FBXO40: variants seen among roughly 807,000 people sequenced by gnomAD.
FBXO40 encodes F-box protein 40, also known as F-box only protein 40.
In FBXO40, 50 loss-of-function variants were observed where a neutral mutation model predicts 49.9. That is an observed-to-expected ratio of 1.00 (90% CI 0.80 to 1.27). The LOEUF is 1.27. Ranked by LOEUF, FBXO40 falls within the 50% of genes most tolerant of loss-of-function variation. FBXO40 has a pLI of 0.00. For synonymous variants in FBXO40, 340 were observed against 320.2 expected (o/e 1.06, Z -0.66); for missense variants, 895 against 870.1 (o/e 1.03, Z -0.36).
At chr3:121,617,989 G>A (rs2049007450) in intron 1 of FBXO40, among the ~76,000 whole-genome samples, 1 of 151,982 alleles carries the variant, frequency 6.6e-6, no homozygotes, top group South Asian at 2.1e-4. Flanking sequence ...ACAGAGCAAG[G>A]CTCTGTCAAA....
intron 1 of FBXO40, among the ~76,000 whole-genome samples, chr3:121,605,087 C>T (rs2048925018): frequency 6.6e-6 from 1 of 152,060 alleles, no homozygotes; most frequent in Non-Finnish European, 1.5e-5. Flanking sequence ...ATTTTCCTGC[C>T]TCAGCCTGCC....
At chr3:121,620,716 C>A in intron 2 of FBXO40, 138 bp downstream of exon 2, 1 of 1,001,006 alleles carries the variant, frequency 1.0e-6, no homozygotes, top group Non-Finnish European at 1.5e-6. Context: ...ACTAGAGATG[C>A]TGAACAGAAC....
chr3:121,602,839 G>A (rs2048908043), intron 1 of FBXO40, among the ~76,000 whole-genome samples: 2 of 151,618 alleles, frequency 1.3e-5, no homozygotes, highest in Non-Finnish European at 2.9e-5. Flanking sequence ...ACATTACACT[G>A]CATGTTAAGA....
At chr3:121,609,371 A>T (rs1331477001) in intron 1 of FBXO40, among the ~76,000 whole-genome samples, 2 of 151,026 alleles carry the variant, frequency 1.3e-5, no homozygotes, top group Non-Finnish European at 2.9e-5. Flanking sequence ...AGTTCTCTTT[A>T]GTTGGGCTAG....
chr3:121,596,912 T>C (rs1232154809), intron 1 of FBXO40, among the ~76,000 whole-genome samples: 1 of 152,248 alleles, frequency 6.6e-6, no homozygotes, highest in Admixed American at 6.5e-5. Flanking sequence ...TCCTATTCAA[T>C]GTTCTCGTTG....
intron 1 of FBXO40, among the ~76,000 whole-genome samples, chr3:121,611,188 A>G (rs2048963088): frequency 6.6e-6 from 1 of 152,212 alleles, no homozygotes; most frequent in Non-Finnish European, 1.5e-5. Context: ...AGACACAGAG[A>G]CAAAGTATAG....
chr3:121,594,708 G>A (rs2048862910), intron 1 of FBXO40, among the ~76,000 whole-genome samples: 1 of 152,086 alleles, frequency 6.6e-6, no homozygotes, highest in Non-Finnish European at 1.5e-5. Flanking sequence ...TTCTCTAAGT[G>A]TGGCCCTCTT....
At chr3:121,596,036 T>TA (rs1483308460) in intron 1 of FBXO40, among the ~76,000 whole-genome samples, 2 of 152,210 alleles carry the variant, frequency 1.3e-5, no homozygotes, top group South Asian at 4.1e-4. Flanking sequence ...CTACTAACTT[T>TA]AAAATTATAG....
At chr3:121,607,511 G>A (rs188220329) in intron 1 of FBXO40, among the ~76,000 whole-genome samples, 18 of 151,730 alleles carry the variant, frequency 1.2e-4, no homozygotes, top group South Asian at 2.1e-4. Context: ...GGGTTTCACT[G>A]TGTTAGCCAG....
chr3:121,617,985 C>CA (rs900077991), intron 1 of FBXO40, among the ~76,000 whole-genome samples: 78 of 152,096 alleles, frequency 5.1e-4, no homozygotes, highest in Middle Eastern at 3.4e-3. Flanking sequence ...GGCAACAGAG[C>CA]AAGGCTCTGT....
In FBXO40 at chr3:121,622,683, C is replaced by T. The variant is rs748632933; in HGVS notation, c.1254C>T (p.Ser418=). 1.2e-6 allele frequency: 2 copies of T among 1,614,090 alleles called. No individual in the cohort carries two copies. The highest frequency in any genetic ancestry group is 1.3e-5 in the African/African-American group (1 of 74,928). Residue 418 remains serine, a synonymous_variant, in exon 3 of 4, where the codon AGC becomes AGT. Transcript: ENST00000338040. Reference sequence around the variant, plus strand: ...GCCACGTCATCTCTGAATCCAGAAGCATTGATGGACTGTTCATGGATTTTG... The same window carrying T: ...GCCACGTCATCTCTGAATCCAGAAGTATTGATGGACTGTTCATGGATTTTG... ...LKGHVISESR[S]IDGLFMDFAT...
At chr3:121,612,136 G>A (rs940485499) in intron 1 of FBXO40, among the ~76,000 whole-genome samples, 2 of 151,964 alleles carry the variant, frequency 1.3e-5, no homozygotes, top group Admixed American at 1.3e-4. Context: ...ATTCATCTAT[G>A]AATTTTCCTA....
At chr3:121,623,903 G>C (rs1483926546) in intron 3 of FBXO40, among the ~76,000 whole-genome samples, 11 of 149,500 alleles carry the variant, frequency 7.4e-5, no homozygotes, top group Admixed American at 2.0e-4. Context: ...GGTCAGGCTG[G>C]TCTCAAACTC....
intron 1 of FBXO40, among the ~76,000 whole-genome samples, chr3:121,605,711 G>A (rs1576451106): frequency 6.6e-6 from 1 of 152,234 alleles, no homozygotes; most frequent in East Asian, 1.9e-4. Context: ...TACTGAGAAT[G>A]GCTTCCTATG....
intron 1 of FBXO40, among the ~76,000 whole-genome samples, chr3:121,613,212 C>G (rs2048977361): frequency 6.6e-6 from 1 of 152,178 alleles, no homozygotes; most frequent in Non-Finnish European, 1.5e-5. Flanking sequence ...GAATACCACT[C>G]CTTGTCCGCA....
chr3:121,596,612 T>C (rs2048874157), intron 1 of FBXO40, among the ~76,000 whole-genome samples: 1 of 152,214 alleles, frequency 6.6e-6, no homozygotes, highest in Admixed American at 6.5e-5. Context: ...CTGATCCAGA[T>C]TTCGGATTCT....
At chr3:121,600,636 T>A (rs1381928035) in intron 1 of FBXO40, among the ~76,000 whole-genome samples, 2 of 152,178 alleles carry the variant, frequency 1.3e-5, no homozygotes, top group Non-Finnish European at 2.9e-5. Context: ...CAAACACCTG[T>A]GTCTCCATGG....
chr3:121,594,493 G>T (rs528491827), intron 1 of FBXO40, among the ~76,000 whole-genome samples: 2 of 152,176 alleles, frequency 1.3e-5, no homozygotes, highest in Non-Finnish European at 2.9e-5. Context: ...GAGCCGCTGT[G>T]CCTGATCAGA....
At chr3:121,618,504 A>T in intron 1 of FBXO40, among the ~76,000 whole-genome samples, 1 of 149,362 alleles carries the variant, frequency 6.7e-6, no homozygotes. Context: ...CTCCTGCCTC[A>T]GCCTCCCGAG....
Sources: allele counts gnomAD v4.1 joint callset (sites outside exome capture counted in the v4.1 genomes callset), GRCh38; gene constraint gnomAD v4.1.1; transcripts MANE v1.5; gene names NCBI Gene and HGNC (gene_info 2026-07-23, HGNC 2026-07-21).